The following MYO1E variants were observed in gnomAD, a reference collection of about 807,000 sequenced individuals.
MYO1E encodes the protein unconventional myosin-Ie.
In MYO1E, 68 loss-of-function variants were observed where a neutral mutation model predicts 151.1. The observed-to-expected ratio is 0.45, with a 90% CI of 0.37 to 0.55. The LOEUF is 0.55. MYO1E is among the 20% of genes least tolerant of loss of function. The pLI is 0.00. For missense variants in MYO1E, 1,363 were observed against 1,389.3 expected (o/e 0.98, Z 0.30); for synonymous variants, 601 against 501.7 (o/e 1.20, Z -2.64).
In MYO1E at chr15:59,261,439, A is replaced by G. The variant is rs1187629483; in HGVS notation, c.218T>C (p.Ile73Thr). 3 of 1,609,460 alleles carry G rather than the reference A, an allele frequency of 1.9e-6. No homozygotes were observed. Among genetic ancestry groups the G allele is most frequent in the Admixed American group, 1.7e-5 (1 of 59,952 alleles). The change falls in exon 3 of 28, where the codon ATT becomes ACT. Residue 73 changes from isoleucine (I) to threonine (T), a missense_variant. By Grantham distance (89) the Ile-to-Thr change is moderately conservative (BLOSUM62 -1). Transcript: ENST00000288235. ...ACTTACCGCTCCTTGGTACATTTCAATTTCCTTTTCCCCAAAATATGGCAT... is the reference window on the plus strand; with the variant it reads ...ACTTACCGCTCCTTGGTACATTTCAGTTTCCTTTTCCCCAAAATATGGCAT... ...KQMPYFGEKEIEMYQGAAQYE... is the reference protein window; with the variant it reads ...KQMPYFGEKETEMYQGAAQYE...
chr15:59,147,470 T>A (rs1323060799), intron 26 of MYO1E, among the ~76,000 whole-genome samples: 1 of 151,872 alleles, frequency 6.6e-6, no homozygotes, highest in African/African-American at 2.4e-5. Flanking sequence ...CTCATGCGTG[T>A]AATCTCAGCT....
At chr15:59,182,443 T>C (rs1216178878) in intron 18 of MYO1E, among the ~76,000 whole-genome samples, 2 of 152,112 alleles carry the variant, frequency 1.3e-5, no homozygotes, top group Non-Finnish European at 2.9e-5. Context: ...GAACTCCTGA[T>C]CTGAGGTGAT....
At chr15:59,151,301 G>A (rs1004849313) in intron 26 of MYO1E, among the ~76,000 whole-genome samples, 4 of 151,640 alleles carry the variant, frequency 2.6e-5, no homozygotes, top group Admixed American at 1.3e-4. Flanking sequence ...GTGGTGGCAC[G>A]CACCTGTAGT....
At chr15:59,264,080 T>G (rs79094511) in intron 2 of MYO1E, among the ~76,000 whole-genome samples, 1,632 of 152,262 alleles carry the variant, frequency 0.011, 30 homozygotes, top group African/African-American at 0.037. Flanking sequence ...CAGATTGTGC[T>G]TTTTTTCATA....
At chr15:59,276,252 T>C (rs1260494563) in intron 1 of MYO1E, among the ~76,000 whole-genome samples, 2 of 152,126 alleles carry the variant, frequency 1.3e-5, no homozygotes, top group Non-Finnish European at 2.9e-5. Context: ...GGCAAAGGCA[T>C]TGTTTATTGG....
At chr15:59,143,213 G>A (rs556069208) in intron 26 of MYO1E, among the ~76,000 whole-genome samples, 9 of 152,330 alleles carry the variant, frequency 5.9e-5, no homozygotes, top group African/African-American at 1.9e-4. Context: ...CATGCTGGCA[G>A]TGTAAGCCAT....
intron 1 of MYO1E, among the ~76,000 whole-genome samples, chr15:59,301,146 C>A (rs1445621563): frequency 1.3e-5 from 2 of 152,080 alleles, no homozygotes; most frequent in African/African-American, 4.8e-5. Context: ...AGGTGTGAGC[C>A]ACCGCACCTG....
At chr15:59,213,446 C>T (rs1438247823) in intron 12 of MYO1E, among the ~76,000 whole-genome samples, 3 of 151,954 alleles carry the variant, frequency 2.0e-5, no homozygotes, top group African/African-American at 7.3e-5. Context: ...GCAGGGATTA[C>T]AGGCATGAGC....
At chr15:59,209,328 C>A (rs1041029585) in intron 13 of MYO1E, among the ~76,000 whole-genome samples, 2 of 152,140 alleles carry the variant, frequency 1.3e-5, no homozygotes, top group African/African-American at 2.4e-5. Flanking sequence ...ATTCTTCACA[C>A]TTACTATTTT....
At chr15:59,266,417 A>G (rs1210098405) in intron 2 of MYO1E, among the ~76,000 whole-genome samples, 1 of 152,220 alleles carries the variant, frequency 6.6e-6, no homozygotes, top group Non-Finnish European at 1.5e-5. Context: ...GAAACCCAAG[A>G]TATCTTTAAC....
chr15:59,179,576 G>A (rs934587587), intron 18 of MYO1E, among the ~76,000 whole-genome samples: 3 of 152,168 alleles, frequency 2.0e-5, no homozygotes, highest in Non-Finnish European at 2.9e-5. Context: ...ACAGCAACCT[G>A]ATCAGGTTGG....
In MYO1E at chr15:59,246,741, C is replaced by A. The variant is rs78638290; in HGVS notation, c.332+9543G>T. ...AGAAGGGGAAGACTGAGCTCTGGCCCCCAGACAAATCCACTGGATAACAAG... is the reference window on the plus strand; with the variant it reads ...AGAAGGGGAAGACTGAGCTCTGGCCACCAGACAAATCCACTGGATAACAAG... On this transcript the variant is annotated intron_variant, in intron 4 of 27. Coordinates refer to ENST00000288235, the MANE Select transcript of MYO1E (RefSeq NM_004998.4). 4.9e-3 allele frequency among the ~76,000 whole-genome samples: 747 copies of A among 152,150 alleles called. 16 individuals are homozygous for A. The East Asian group carries it at 0.065, about 13-fold the overall frequency.
intron 1 of MYO1E, among the ~76,000 whole-genome samples, chr15:59,275,706 A>G (rs1481236158): frequency 6.6e-6 from 1 of 152,148 alleles, no homozygotes; most frequent in Non-Finnish European, 1.5e-5. Context: ...CTTTGGGAGA[A>G]CCTGACCTGC....
At chr15:59,308,559 C>T (rs1422896632) in intron 1 of MYO1E, among the ~76,000 whole-genome samples, 2 of 151,872 alleles carry the variant, frequency 1.3e-5, no homozygotes, top group African/African-American at 4.8e-5. Flanking sequence ...GTAATCCCAG[C>T]TACATGGGAG....
intron 1 of MYO1E, among the ~76,000 whole-genome samples, chr15:59,337,978 A>G (rs1567018714): frequency 6.6e-6 from 1 of 152,178 alleles, no homozygotes; most frequent in Non-Finnish European, 1.5e-5. Context: ...GGTTAAATTA[A>G]ACTCCTTTTT....
intron 25 of MYO1E, among the ~76,000 whole-genome samples, 181 bp from the exon 26 acceptor site, chr15:59,153,972 C>G (rs1225313251): frequency 6.6e-6 from 1 of 152,132 alleles, no homozygotes; most frequent in African/African-American, 2.4e-5. Flanking sequence ...GAGCTGATTC[C>G]CTGTTTTCCC....
At chr15:59,225,309 C>T (rs2079982946) in intron 7 of MYO1E, among the ~76,000 whole-genome samples, 1 of 152,190 alleles carries the variant, frequency 6.6e-6, no homozygotes, top group South Asian at 2.1e-4. Flanking sequence ...TGCATTCTAG[C>T]TTCTCCCCTC....
chr15:59,281,903 G>A (rs970451475), intron 1 of MYO1E, among the ~76,000 whole-genome samples: 5 of 151,392 alleles, frequency 3.3e-5, no homozygotes, highest in Non-Finnish European at 7.4e-5. Context: ...GTTCAAGGCT[G>A]CAGTAAGCTA....
chr15:59,215,856 T>C (rs1376505276), intron 10 of MYO1E, among the ~76,000 whole-genome samples: 1 of 152,118 alleles, frequency 6.6e-6, no homozygotes, highest in Admixed American at 6.5e-5. Context: ...AAAAGAGATA[T>C]GGATTCTAGT....
Sources: allele counts gnomAD v4.1 joint callset (sites outside exome capture counted in the v4.1 genomes callset), GRCh38; gene constraint gnomAD v4.1.1; transcripts MANE v1.5; gene names NCBI Gene and HGNC (gene_info 2026-07-23, HGNC 2026-07-21).